Variants in HEATR9 observed in about 807,000 individuals in gnomAD.
The protein encoded by HEATR9 is protein HEATR9.
In HEATR9, 54 loss-of-function variants were observed where a neutral mutation model predicts 68.2. The observed-to-expected ratio is 0.79, with a 90% CI of 0.64 to 0.99. The LOEUF (loss-of-function observed/expected upper bound fraction) is 0.99. Among genes scored for constraint, HEATR9 ranks in the 50% least tolerant of loss-of-function variants. The pLI is 0.00. For synonymous variants in HEATR9, 241 were observed against 253.5 expected (o/e 0.95, Z 0.47); for missense variants, 662 against 679.7 (o/e 0.97, Z 0.29).
Position 35,858,427 on chromosome 17 carries a change from G to GCTTA in HEATR9, c.1032+2_1032+5dup. 6.2e-7 allele frequency: 1 copy of GCTTA among 1,614,098 alleles called. No homozygotes were observed. Among genetic ancestry groups the GCTTA allele is most frequent in the Non-Finnish European group, 8.5e-7 (1 of 1,179,974 alleles). On this transcript the variant is annotated splice_donor_region_variant and intron_variant, in intron 10 of 14. Transcript: ENST00000604834. The stretch of plus-strand genomic sequence containing the variant: ...AAAGGAAGGGTTCAGGCAGTCCAGA[G>GCTTA]CTTACCTCAAGGACACTGGAAGAAC...
In HEATR9 at chr17:35,868,576, T is replaced by G. The variant is rs1044265831; in HGVS notation, c.88+79A>C. ...GGTTTGCTGAACTCACCTAGACCCTTGCCTGGGAGTGAGAGCCAGGTAGCA... is the reference window on the plus strand; with the variant it reads ...GGTTTGCTGAACTCACCTAGACCCTGGCCTGGGAGTGAGAGCCAGGTAGCA... On this transcript the variant is annotated intron_variant, in intron 1 of 14. Coordinates refer to ENST00000604834, the MANE Select transcript of HEATR9 (RefSeq NM_152781.4). The G allele has an allele frequency of 3.1e-6, 5 of 1,597,794 alleles. No individual in the cohort carries two copies. The African/African-American group carries it at 5.4e-5, about 17-fold the overall frequency.
rs1225305026 is a variant in HEATR9, at chr17:35,863,122, C to T, written c.629G>A (p.Cys210Tyr). 3.1e-6 allele frequency: 5 copies of T among 1,613,898 alleles called. No individual in the cohort carries two copies. Among genetic ancestry groups the T allele is most frequent in the African/African-American group, 1.3e-5 (1 of 74,916 alleles). ...AGCCCGGATCACATGCTTATTCAGG[C>T]AACCTGGACAGGGAGGGGCCTCAAG... is the stretch of plus-strand genomic sequence containing the variant. ...EAYRTLAILGCLNKHVIRALI... is the reference protein window; with the variant it reads ...EAYRTLAILGYLNKHVIRALI... The change falls in exon 8 of 15, where the codon TGC becomes TAC. Residue 210 changes from cysteine (C) to tyrosine (Y), a missense_variant. Physicochemically the swap from Cys to Tyr is radical, Grantham distance 194. Coordinates refer to ENST00000604834, the MANE Select transcript of HEATR9 (RefSeq NM_152781.4).
intron 2 of HEATR9, 38 bp downstream of exon 2, chr17:35,866,686 G>A (rs368572532): frequency 4.8e-5 from 77 of 1,594,404 alleles, no homozygotes; most frequent in Non-Finnish European, 6.5e-5. Context: ...TCCTAACTTT[G>A]ATACAGCTCC....
At chr17:35,863,588 TATA>T in intron 6 of HEATR9, 29 bp from the exon 7 acceptor site, 11 of 1,606,970 alleles carry the variant, frequency 6.8e-6, no homozygotes, top group Non-Finnish European at 9.4e-6. Context: ...GGTAGGAACA[TATA>T]ATAAGGTGAT....
chr17:35,866,574 G>A, intron 2 of HEATR9, 150 bp downstream of exon 2: 1 of 722,226 alleles, frequency 1.4e-6, no homozygotes, highest in South Asian at 1.7e-5. Flanking sequence ...GAGGCTCTGA[G>A]GGGGAAAGTG....
chr17:35,858,093 G>T, intron 11 of HEATR9, 107 bp downstream of exon 11: 2 of 1,488,742 alleles, frequency 1.3e-6, no homozygotes, highest in Non-Finnish European at 1.9e-6. Context: ...AACAGGAGTA[G>T]GTCAGGATGA....
chr17:35,858,065 C>T (rs2087839777), intron 11 of HEATR9, 135 bp downstream of exon 11: 16 of 1,269,052 alleles, frequency 1.3e-5, no homozygotes, highest in Non-Finnish European at 1.8e-5. Flanking sequence ...GATATAAAAA[C>T]CTGGGCTGCA....
chr17:35,867,328 G>A (rs1230537279), intron 1 of HEATR9, among the ~76,000 whole-genome samples: 2 of 147,146 alleles, frequency 1.4e-5, no homozygotes, highest in Non-Finnish European at 3.0e-5. Context: ...CCAGCTACTT[G>A]AGAGGCTGAG....
At chr17:35,856,072 G>A (rs1331768799) in intron 13 of HEATR9, 101 bp downstream of exon 13, 16 of 1,300,052 alleles carry the variant, frequency 1.2e-5, no homozygotes, top group South Asian at 7.3e-5. Context: ...CAACTTCCCC[G>A]AAGTTTACAG....
intron 8 of HEATR9, among the ~76,000 whole-genome samples, chr17:35,859,641 AC>A (rs1452790290): frequency 6.6e-6 from 1 of 151,304 alleles, no homozygotes; most frequent in Non-Finnish European, 1.5e-5. Context: ...TCCCTTACCC[AC>A]TCTTGCTTCA....
rs749174325 is a variant in HEATR9, at chr17:35,864,900, A to G, written c.321-10T>C. ...TACCTCTTTGATGTACCTGTGTGAG[A>G]AATTGCATAGGCAGCTTTGGTCCCT... is the stretch of plus-strand genomic sequence containing the variant. On this transcript the variant is annotated splice_polypyrimidine_tract_variant and intron_variant, in intron 3 of 14. Coordinates refer to ENST00000604834, the MANE Select transcript of HEATR9 (RefSeq NM_152781.4). 5 of 1,614,200 alleles carry G rather than the reference A, an allele frequency of 3.1e-6. No homozygotes were observed. The highest frequency in any genetic ancestry group is 2.5e-6 in the Non-Finnish European group (3 of 1,180,038).
chr17:35,859,056 C>A lies in HEATR9; in HGVS notation c.771G>T (p.Gly257=), dbSNP rs1344991332. ...AVSKDKRTQV[G]DEGKLVPVLQ... The stretch of plus-strand genomic sequence containing the variant: ...GTACAGGCACCAGCTTGCCCTCATC[C>A]CCGACTTGAGTCCTCTGTGAGGGAG... Residue 257 remains glycine, a synonymous_variant, in exon 9 of 15, where the codon GGG becomes GGT. Transcript: ENST00000604834. 5 of 1,614,026 alleles carry A rather than the reference C, an allele frequency of 3.1e-6. No homozygotes were observed. Among genetic ancestry groups the A allele is most frequent in the Non-Finnish European group, 4.2e-6 (5 of 1,180,012 alleles).
chr17:35,865,830 A>G (rs1348439128), intron 2 of HEATR9, among the ~76,000 whole-genome samples: 3 of 152,128 alleles, frequency 2.0e-5, no homozygotes, highest in South Asian at 4.1e-4. Context: ...AAGACAGACT[A>G]TTGCTCATTC....
chr17:35,868,403 G>A (rs1314142488), intron 1 of HEATR9, among the ~76,000 whole-genome samples: 1 of 152,238 alleles, frequency 6.6e-6, no homozygotes, highest in African/African-American at 2.4e-5. Flanking sequence ...AGGGTAAAGA[G>A]CAGGGTACAG....
chr17:35,856,431 G>C, intron 12 of HEATR9: 1 of 1,356,602 alleles, frequency 7.4e-7, no homozygotes, highest in Non-Finnish European at 1.0e-6. Context: ...ATGATGATCA[G>C]GACTGTCCAG....
rs1370416595 is a variant in HEATR9 at position 35,863,694 on chromosome 17, A to G, written c.568-135T>C. 1.1e-5 allele frequency: 10 copies of G among 885,772 alleles called. No individual in the cohort carries two copies. The Admixed American group carries it at 2.1e-4, about 19-fold the overall frequency. 54.9% of individuals were successfully genotyped at this position (885,772 alleles called of 1,614,324 possible). A position where few individuals can be genotyped will look rare whatever the true frequency, so the allele number is the denominator to read the frequency against. The stretch of plus-strand genomic sequence containing the variant: ...TAGAAAGTGACCTATCTATTCTCAA[A>G]TACAGAATACAGCCAAAATGGTTCA... On this transcript the variant is annotated intron_variant, in intron 6 of 14. Transcript: ENST00000604834.
At chr17:35,868,056 G>A (rs552340618) in intron 1 of HEATR9, among the ~76,000 whole-genome samples, 1 of 152,176 alleles carries the variant, frequency 6.6e-6, no homozygotes, top group Non-Finnish European at 1.5e-5. Flanking sequence ...GCTGGGATTA[G>A]AGGCGTGAAC....
chr17:35,861,515 C>A, intron 8 of HEATR9: 2 of 1,045,198 alleles, frequency 1.9e-6, no homozygotes, highest in South Asian at 1.3e-5. Flanking sequence ...AACATCATGT[C>A]ATGGCTGGGG....
chr17:35,865,144 C>G, intron 3 of HEATR9, 71 bp downstream of exon 3: 2 of 1,542,736 alleles, frequency 1.3e-6, no homozygotes, highest in Non-Finnish European at 1.8e-6. Flanking sequence ...TGGCCCACCC[C>G]TTCCTTGCCC....
Sources: gnomAD v4.1 joint callset for allele counts (sites outside exome capture counted in the v4.1 genomes callset) on GRCh38, gnomAD v4.1.1 for gene constraint, MANE v1.5 for transcripts, NCBI Gene and HGNC (gene_info 2026-07-23, HGNC 2026-07-21) for gene names.